TLE2: variants seen among roughly 807,000 people sequenced by gnomAD.
The protein encoded by TLE2 is TLE family member 2, transcriptional corepressor, also known as transducin-like enhancer protein 2.
In TLE2, 74 loss-of-function variants were observed where a neutral mutation model predicts 97.2. That is an observed-to-expected ratio of 0.76 (90% CI 0.63 to 0.92). The LOEUF (loss-of-function observed/expected upper bound fraction) is 0.92, where lower values mean the gene tolerates loss of function less well. TLE2 is among the 40% of genes least tolerant of loss of function. The pLI is 0.00. For missense variants in TLE2, 1,038 were observed against 1,008.7 expected (o/e 1.03, Z -0.39); for synonymous variants, 499 against 432.1 (o/e 1.15, Z -1.92).
rs575901395 is a variant in TLE2, at chr19:3,011,302, C to T, written c.874-142G>A. The T allele has an allele frequency of 2.1e-3, 1,869 of 877,920 alleles. 3 individuals carry two copies. The highest frequency in any genetic ancestry group is 2.6e-3 in the Non-Finnish European group (1,592 of 602,524). The allele number at this position is 877,920 out of a possible 1,614,324, so 54.4% of individuals were successfully genotyped here. A position where few individuals can be genotyped will look rare whatever the true frequency, so the allele number is the denominator to read the frequency against. On this transcript the variant is annotated intron_variant, in intron 11 of 19. Coordinates refer to ENST00000262953, the MANE Select transcript of TLE2 (RefSeq NM_003260.5). The stretch of plus-strand genomic sequence containing the variant: ...CAGCACTTTGGGAGGCCCAGTCGGG[C>T]GGATCACCTGAGGTCAGGAGTTCGA...
Position 3,019,257 on chromosome 19 carries a change from A to C in TLE2, c.550+26T>G. On this transcript the variant is annotated intron_variant, in intron 7 of 19. Coordinates refer to ENST00000262953, the MANE Select transcript of TLE2 (RefSeq NM_003260.5). The surrounding 1 kb of genome is among the most constrained non-coding windows in gnomAD (Gnocchi z 5.1). ...CCTCCCCAGCCCCGTCTCCCCAGCC[A>C]ATGCCACCCCGTGCTGCCCACTCAC... The C allele has an allele frequency of 6.4e-7, 1 of 1,562,126 alleles. No homozygotes were observed. Among genetic ancestry groups the C allele is most frequent in the Non-Finnish European group, 8.6e-7 (1 of 1,162,132 alleles).
At position 3,029,200 on chromosome 19, in the gene TLE2, G is replaced by C. The variant is rs1599248162; in HGVS notation, c.-296C>G. On this transcript the variant is annotated 5_prime_UTR_variant, in exon 1 of 20. Coordinates refer to ENST00000262953, the MANE Select transcript of TLE2 (RefSeq NM_003260.5). ...CGCGGCAGCCGGCGCAGAAGGTCGG[G>C]CGCGCCGCGGCCGGGTTTCGGTGGC... The C allele has an allele frequency of 3.7e-6, 2 of 542,244 alleles. No homozygotes were observed. Among genetic ancestry groups the C allele is most frequent in the East Asian group, 3.0e-4 (2 of 6,594 alleles). The allele number at this position is 542,244 out of a possible 1,614,324, so 33.6% of individuals were successfully genotyped here.
upstream of TLE2, among the ~76,000 whole-genome samples, chr19:3,029,385 C>G (rs1002386026): frequency 1.0e-4 from 15 of 146,980 alleles, no homozygotes; most frequent in Admixed American, 2.0e-4. Context: ...GCGCCCGCGC[C>G]CCCCCCGGCC....
At chr19:3,006,346 G>A (rs1599202217) in intron 15 of TLE2, 74 bp downstream of exon 15, 4 of 1,548,358 alleles carry the variant, frequency 2.6e-6, no homozygotes, top group South Asian at 1.2e-5. Flanking sequence ...GCCAGCCTGC[G>A]AACACCGCCC....
At chr19:3,034,632 G>C (rs28366705) in intron 1 of TLE2, among the ~76,000 whole-genome samples, 5,168 of 151,406 alleles carry the variant, frequency 0.034, 315 homozygotes, top group African/African-American at 0.12. Context: ...TCCTGCAAAA[G>C]CCTTCTCCCC....
Position 3,019,537 on chromosome 19 carries a change from A to T in TLE2, c.370-74T>A. 6.7e-7 allele frequency: 1 copy of T among 1,483,358 alleles called. No individual in the cohort carries two copies. The highest frequency in any genetic ancestry group is 9.0e-7 in the Non-Finnish European group (1 of 1,116,556). 91.9% of individuals were successfully genotyped at this position (1,483,358 alleles called of 1,614,324 possible). ...CAGCGGTCCCCAGCCCAAGAGGTAG[A>T]CACAGGGGATGGGACCTAAGCACAG... On this transcript the variant is annotated intron_variant, in intron 6 of 19. Coordinates refer to ENST00000262953, the MANE Select transcript of TLE2 (RefSeq NM_003260.5). This position sits in a 1 kb window ranked among gnomAD's most constrained non-coding sequence, Gnocchi z 5.1.
chr19:3,028,761 C>T lies in TLE2; in HGVS notation c.67G>A (p.Glu23Lys). Reference protein sequence around the residue: ...SGQPFKFSILEICDRIKEEFQ... With the variant: ...SGQPFKFSILKICDRIKEEFQ... ...TCTTCTTTGATGCGGTCGCAGATCT[C>T]CAAGATCGAGAACTTGAAGGGCTGG... Residue 23 changes from glutamate to lysine, a missense_variant, in exon 2 of 20, where the codon GAG becomes AAG. Physicochemically the swap from Glu to Lys is moderately conservative, Grantham distance 56. Transcript: ENST00000262953. 1.2e-6 allele frequency: 2 copies of T among 1,612,956 alleles called. No homozygotes were observed. The highest frequency in any genetic ancestry group is 1.7e-6 in the Non-Finnish European group (2 of 1,179,846).
At chr19:3,035,934 C>A (rs977796742) in intron 1 of TLE2, among the ~76,000 whole-genome samples, 1 of 152,182 alleles carries the variant, frequency 6.6e-6, no homozygotes, top group Non-Finnish European at 1.5e-5. Flanking sequence ...AAGCGAGTCA[C>A]CCCCAAGCCT....
At chr19:3,033,087 A>G (rs1273516000), upstream of TLE2, among the ~76,000 whole-genome samples, 1 of 150,540 alleles carries the variant, frequency 6.6e-6, no homozygotes, top group Non-Finnish European at 1.5e-5. Context: ...ATCTCGGCTC[A>G]CTGCAACCTC....
upstream of TLE2, among the ~76,000 whole-genome samples, chr19:3,046,377 G>A (rs958546000): frequency 6.6e-6 from 1 of 152,208 alleles, no homozygotes; most frequent in Admixed American, 6.5e-5. Flanking sequence ...AATGTCTAAT[G>A]CGTCCTAGCT....
intron 5 of TLE2, among the ~76,000 whole-genome samples, chr19:3,024,793 G>GC (rs2089911415): frequency 6.6e-6 from 1 of 152,196 alleles, no homozygotes; most frequent in Admixed American, 6.5e-5. Context: ...GGGGAAAACA[G>GC]CCCCCAGTCC....
At chr19:3,009,288 G>A (rs1274215788) in intron 13 of TLE2, among the ~76,000 whole-genome samples, 2 of 152,182 alleles carry the variant, frequency 1.3e-5, no homozygotes, top group South Asian at 2.1e-4. Flanking sequence ...ACAGTGTCCC[G>A]AGGCCAAGGC....
At chr19:3,046,930 C>G (rs865826403), upstream of TLE2, among the ~76,000 whole-genome samples, 2 of 109,112 alleles carry the variant, frequency 1.8e-5, no homozygotes, top group East Asian at 6.2e-4. Flanking sequence ...TCCCCCTCCT[C>G]TGCCTCCCCC....
intron 15 of TLE2, 34 bp downstream of exon 15, chr19:3,006,386 G>A: frequency 6.3e-7 from 1 of 1,597,736 alleles, no homozygotes; most frequent in Non-Finnish European, 8.5e-7. Context: ...CCCCTCACCT[G>A]TGAGTCCCGC....
intron 5 of TLE2, among the ~76,000 whole-genome samples, chr19:3,023,230 G>A (rs2089881116): frequency 1.3e-5 from 2 of 151,984 alleles, no homozygotes; most frequent in South Asian, 4.1e-4. Context: ...TAGAAATGAG[G>A]TTTCACCATA....
At chr19:2,999,061 C>G (rs1001324167) in intron 19 of TLE2, among the ~76,000 whole-genome samples, 1 of 152,134 alleles carries the variant, frequency 6.6e-6, no homozygotes, top group African/African-American at 2.4e-5. Context: ...GCAGGTGGAT[C>G]ACCTGAGGTC....
At chr19:3,009,024 A>G (rs771669562) in intron 13 of TLE2, 79 bp from the exon 14 acceptor site, 67 of 1,184,436 alleles carry the variant, frequency 5.7e-5, no homozygotes, top group Non-Finnish European at 7.6e-5. Flanking sequence ...CACCTGCCAT[A>G]CCCCTCTCTG....
intron 1 of TLE2, among the ~76,000 whole-genome samples, chr19:3,037,922 C>T (rs900606794): frequency 6.6e-6 from 1 of 152,004 alleles, no homozygotes; most frequent in Non-Finnish European, 1.5e-5. Context: ...AGGAGTTCGA[C>T]ACCAGCCTGG....
chr19:3,000,401 T>C (rs2089330083), intron 19 of TLE2, among the ~76,000 whole-genome samples: 1 of 152,038 alleles, frequency 6.6e-6, no homozygotes, highest in Admixed American at 6.6e-5. Flanking sequence ...TATAATATTA[T>C]ATGCATGTTA....
Sources: gnomAD v4.1 joint callset for allele counts (sites outside exome capture counted in the v4.1 genomes callset) on GRCh38, gnomAD v4.1.1 for gene constraint, Gnocchi (gnomAD v3.1) non-coding constraint, MANE v1.5 for transcripts, NCBI Gene and HGNC (gene_info 2026-07-23, HGNC 2026-07-21) for gene names.